Variants in GFI1B observed in about 807,000 individuals in gnomAD.
The protein encoded by GFI1B is growth factor independent 1B transcriptional repressor.
Under a neutral mutation model 35.3 loss-of-function variants are expected in GFI1B, and 20 were observed. The ratio of observed to expected loss-of-function variants is 0.57; its 90% CI spans 0.40 to 0.82. The LOEUF is 0.82. Among genes scored for constraint, GFI1B ranks in the 40% least tolerant of loss-of-function variants. GFI1B has a pLI of 0.00. For missense variants in GFI1B, 430 were observed against 446.3 expected, an observed-to-expected ratio of 0.96 and a Z score of 0.33; for synonymous variants, 178 against 177.6, an observed-to-expected ratio of 1.00 and a Z score of -0.02.
chr9:132,992,176 A>T (rs1849316260), downstream of GFI1B, among the ~76,000 whole-genome samples: 1 of 151,840 alleles, frequency 6.6e-6, no homozygotes, highest in African/African-American at 2.4e-5. Flanking sequence ...AAAGCACATA[A>T]CTTGGATCTC....
rs768505607 is a variant in GFI1B, at chr9:132,988,178, T to C, written c.239-19T>C. 6.2e-7 allele frequency: 1 copy of C among 1,612,630 alleles called. No individual in the cohort carries two copies. Among genetic ancestry groups the C allele is most frequent in the East Asian group, 2.2e-5 (1 of 44,860 alleles). ...CTGTGTTTAAATGAGTAACCAGGCC[T>C]GTGTCGTTATCTCCACAGAGGGCCC... On this transcript the variant is annotated intron_variant, in intron 3 of 6. Transcript: ENST00000372122.
chr9:132,982,440 G>C (rs1038022560), intron 1 of GFI1B, among the ~76,000 whole-genome samples: 3 of 152,186 alleles, frequency 2.0e-5, no homozygotes, highest in Admixed American at 2.0e-4. Flanking sequence ...CCAGGGTGCA[G>C]GGTCGCCTGT....
At chr9:132,986,565 A>G (rs1849068872) in intron 1 of GFI1B, 94 bp from the exon 2 acceptor site, 1 of 727,632 alleles carries the variant, frequency 1.4e-6, no homozygotes, top group South Asian at 1.5e-5. Context: ...TCAACCCAGT[A>G]TAGCTGGTGT....
At chr9:132,957,916 G>A (rs751039360) in intron 1 of GFI1B, among the ~76,000 whole-genome samples, 10 of 152,282 alleles carry the variant, frequency 6.6e-5, no homozygotes, top group East Asian at 3.9e-4. Flanking sequence ...ATGGTTTTGC[G>A]TGCATATATT....
rs141328455 is a variant in GFI1B at position 132,987,528 on chromosome 9, C to T, written c.238+109C>T. 4.4e-3 allele frequency: 5,674 copies of T among 1,278,126 alleles called. 18 individuals are homozygous for T. Among genetic ancestry groups the T allele is most frequent in the Non-Finnish European group, 5.4e-3 (4,877 of 897,106 alleles). The allele number at this position is 1,278,126 out of a possible 1,614,324, so 79.2% of individuals were successfully genotyped here. A position where few individuals can be genotyped will look rare whatever the true frequency, so the allele number is the denominator to read the frequency against. ...GGGCCCTGGAGTCAGGAAGGACCCA[C>T]GAAGTCACTGGATGCAGCCCGGGCT... On this transcript the variant is annotated intron_variant, in intron 3 of 6. Coordinates refer to ENST00000372122, the MANE Select transcript of GFI1B (RefSeq NM_001377304.1).
At chr9:132,965,624 T>C (rs1017376689) in intron 1 of GFI1B, among the ~76,000 whole-genome samples, 2 of 152,094 alleles carry the variant, frequency 1.3e-5, no homozygotes, top group African/African-American at 4.8e-5. Context: ...AGACACGGAG[T>C]GGGAGGCCCC....
chr9:132,958,978 C>G (rs958920912), intron 1 of GFI1B, among the ~76,000 whole-genome samples: 6 of 152,118 alleles, frequency 3.9e-5, no homozygotes, highest in African/African-American at 1.4e-4. Flanking sequence ...GAGGGCTGGC[C>G]TATTGGGATC....
At chr9:132,952,157 C>T (rs1848211847) in intron 1 of GFI1B, 1 of 152,058 alleles carries the variant, frequency 6.6e-6, no homozygotes, top group African/African-American at 2.4e-5. Context: ...TTGGTTGTTA[C>T]TGAAGTAGAG....
rs764644794 is a variant in GFI1B, at chr9:132,988,296, C to T, written c.338C>T (p.Thr113Ile). The change falls in exon 4 of 7, where the codon ACA (threonine) becomes ATA (isoleucine). Residue 113 changes from threonine (T) to isoleucine (I), a missense_variant. Coordinates refer to ENST00000372122, the MANE Select transcript of GFI1B (RefSeq NM_001377304.1). ...AGCTTCTCCTGGGACACCTTGGCCA[C>T]AACCTATGGCCACAGCTACCGGCAG... The part of the protein sequence containing the change: ...KPSFSWDTLA[T>I]TYGHSYRQAP... 3.7e-6 allele frequency: 6 copies of T among 1,613,986 alleles called. No individual in the cohort carries two copies. In the East Asian group the frequency reaches 1.1e-4, roughly 30 times the overall value.
At chr9:132,971,254 C>T (rs1252099697) in intron 1 of GFI1B, among the ~76,000 whole-genome samples, 1 of 152,194 alleles carries the variant, frequency 6.6e-6, no homozygotes, top group African/African-American at 2.4e-5. Flanking sequence ...TGGGGAGCTT[C>T]AGGCAGGCCT....
Position 132,978,733 on chromosome 9 carries a change from T to G in GFI1B, c.-129T>G, listed in dbSNP as rs1848706374. 1.3e-5 allele frequency: 2 copies of G among 152,262 alleles called. No individual in the cohort carries two copies. The highest frequency in any genetic ancestry group is 4.8e-5 in the African/African-American group (2 of 41,458). 9.4% of individuals were successfully genotyped at this position (152,262 alleles called of 1,614,324 possible). A position where few individuals can be genotyped will look rare whatever the true frequency, so the allele number is the denominator to read the frequency against. On this transcript the variant is annotated 5_prime_UTR_variant, in exon 1 of 7. Transcript: ENST00000372122. ...AGCAAAAAGGAGAAGTATCTATTTG[T>G]GCAAAGAGTCACACAGTTGACAGAG...
chr9:132,987,263 T>C lies in GFI1B; in HGVS notation c.101-19T>C, dbSNP rs1463562670. On this transcript the variant is annotated intron_variant, in intron 2 of 6. Coordinates refer to ENST00000372122, the MANE Select transcript of GFI1B (RefSeq NM_001377304.1). Reference sequence around the variant, plus strand: ...CAGAAACCGTGGCTATTGATGCTGATGGTCCTATCTCCCCACAGTGCCCAG... The same window carrying C: ...CAGAAACCGTGGCTATTGATGCTGACGGTCCTATCTCCCCACAGTGCCCAG... The C allele has an allele frequency of 6.2e-7, 1 of 1,612,894 alleles. No individual in the cohort carries two copies. The highest frequency in any genetic ancestry group is 2.2e-5 in the East Asian group (1 of 44,840).
intron 1 of GFI1B, among the ~76,000 whole-genome samples, chr9:132,958,269 G>A (rs190395373): frequency 5.9e-5 from 9 of 152,190 alleles, no homozygotes; most frequent in African/African-American, 2.2e-4. Flanking sequence ...GGAGAAAGAG[G>A]ATGTGTTAGG....
upstream of GFI1B, chr9:132,978,560 T>A (rs535162049): frequency 6.6e-6 from 1 of 152,340 alleles, no homozygotes; most frequent in African/African-American, 2.4e-5. Flanking sequence ...ATTCGAAGTC[T>A]TGTGTCCTGG....
chr9:132,948,462 C>G lies in GFI1B; in HGVS notation c.-701+2793C>G, dbSNP rs527238012. On this transcript the variant is annotated intron_variant, in intron 1 of 10. Coordinates refer to the GFI1B transcript ENST00000339463. The stretch of plus-strand genomic sequence containing the variant: ...GTTTCATTGGATTTCTGACCCTCAT[C>G]AACAAAAGGCCTTCTGGATGTGGTG... 1.2e-4 allele frequency among the ~76,000 whole-genome samples: 19 copies of G among 152,352 alleles called. No individual in the cohort carries two copies. The South Asian group carries it at 2.9e-3, about 23-fold the overall frequency.
chr9:132,976,902 A>G (rs1472316730), upstream of GFI1B, among the ~76,000 whole-genome samples: 2 of 152,152 alleles, frequency 1.3e-5, no homozygotes, highest in Admixed American at 1.3e-4. Flanking sequence ...TGATTGCAAC[A>G]CTGCACTCCA....
At chr9:132,987,988 G>C (rs2132644129) in intron 3 of GFI1B, among the ~76,000 whole-genome samples, 1 of 152,248 alleles carries the variant, frequency 6.6e-6, no homozygotes, top group East Asian at 1.9e-4. Flanking sequence ...GGGATTATAG[G>C]CGTGAGCCAC....
intron 6 of GFI1B, among the ~76,000 whole-genome samples, chr9:132,990,188 C>T (rs945025503): frequency 2.0e-5 from 3 of 152,218 alleles, no homozygotes; most frequent in Non-Finnish European, 4.4e-5. Flanking sequence ...TTCACTCACT[C>T]ACTTGCTCAT....
intron 1 of GFI1B, among the ~76,000 whole-genome samples, chr9:132,947,440 A>G (rs933510795): frequency 2.6e-5 from 4 of 151,216 alleles, no homozygotes; most frequent in Admixed American, 1.3e-4. Context: ...AGAAAGAAAA[A>G]GAGAATTCAT....
Sources: allele counts gnomAD v4.1 joint callset (sites outside exome capture counted in the v4.1 genomes callset), GRCh38; gene constraint gnomAD v4.1.1; transcripts MANE v1.5; gene names NCBI Gene and HGNC (gene_info 2026-07-23, HGNC 2026-07-21).